The following MAST4 variants were observed in gnomAD, a reference collection of about 807,000 sequenced individuals.
MAST4 encodes microtubule associated serine/threonine kinase family member 4.
Under a neutral mutation model 162.7 loss-of-function variants are expected in MAST4, and 89 were observed. The observed-to-expected ratio is 0.55, with a 90% CI of 0.46 to 0.65. The LOEUF (loss-of-function observed/expected upper bound fraction) is 0.65. MAST4 is among the 30% of genes least tolerant of loss of function. MAST4 has a pLI of 0.00. For missense variants in MAST4, 3,153 were observed against 3,374.0 expected, an observed-to-expected ratio of 0.93 and a Z score of 1.62; for synonymous variants, 1,479 against 1,361.1, an observed-to-expected ratio of 1.09 and a Z score of -1.91.
At chr5:66,918,825 A>G (rs1007686561) in intron 4 of MAST4, among the ~76,000 whole-genome samples, 2 of 152,190 alleles carry the variant, frequency 1.3e-5, no homozygotes, top group Non-Finnish European at 2.9e-5. Context: ...ATATTATTGA[A>G]TGATATATAT....
intron 12 of MAST4, among the ~76,000 whole-genome samples, chr5:67,116,720 G>T (rs1766962631): frequency 6.6e-6 from 1 of 151,962 alleles, no homozygotes; most frequent in Non-Finnish European, 1.5e-5. Flanking sequence ...GGAGGCTGAG[G>T]CAGGAGAATC....
chr5:66,694,174 T>C (rs1337045120), intron 1 of MAST4, among the ~76,000 whole-genome samples: 1 of 152,176 alleles, frequency 6.6e-6, no homozygotes, highest in Admixed American at 6.5e-5. Context: ...CATCTTGAAT[T>C]TGAATTTCTT....
At chr5:66,598,108 C>T (rs1429328820) in intron 1 of MAST4, among the ~76,000 whole-genome samples, 1 of 152,148 alleles carries the variant, frequency 6.6e-6, no homozygotes, top group Admixed American at 6.5e-5. Flanking sequence ...GGCCCCCAGC[C>T]TGGAAGCAAA....
Position 66,596,559 on chromosome 5 carries a change from A to C in MAST4, c.-97A>C. The C allele has an allele frequency of 7.8e-7, 1 of 1,276,636 alleles. No homozygotes were observed. Among genetic ancestry groups the C allele is most frequent in the Non-Finnish European group, 9.9e-7 (1 of 1,010,014 alleles). The allele number at this position is 1,276,636 out of a possible 1,614,324, so 79.1% of individuals were successfully genotyped here. A position where few individuals can be genotyped will look rare whatever the true frequency, so the allele number is the denominator to read the frequency against. ...CCTGCAGCCCGGGAGCGGCAGTGCC[A>C]GTGAGCCTGAGCCCAGGAGCCCGCG... On this transcript the variant is annotated 5_prime_UTR_variant, in exon 1 of 29. Coordinates refer to ENST00000403625, the MANE Select transcript of MAST4 (RefSeq NM_001164664.2).
intron 1 of MAST4, among the ~76,000 whole-genome samples, chr5:66,700,935 C>A (rs1382081092): frequency 7.0e-6 from 1 of 141,846 alleles, no homozygotes; most frequent in East Asian, 2.1e-4. Flanking sequence ...TATTAATATA[C>A]TGAGATCATC....
intron 7 of MAST4, among the ~76,000 whole-genome samples, chr5:67,099,812 GT>G (rs946463116): frequency 8.0e-4 from 116 of 144,742 alleles, no homozygotes; most frequent in South Asian, 1.1e-3. Flanking sequence ...CCACTTGAAG[GT>G]TTTTTTTTTT....
chr5:66,902,573 C>A, intron 4 of MAST4: 1 of 298,270 alleles, frequency 3.4e-6, no homozygotes, highest in Non-Finnish European at 7.0e-6. Flanking sequence ...TTCACATCCC[C>A]ACTAATTTAT....
At chr5:66,639,622 T>A (rs539595161) in intron 1 of MAST4, among the ~76,000 whole-genome samples, 1 of 152,194 alleles carries the variant, frequency 6.6e-6, no homozygotes, top group Non-Finnish European at 1.5e-5. Context: ...AATCATATTG[T>A]TGATAATAGT....
intron 1 of MAST4, among the ~76,000 whole-genome samples, chr5:66,681,705 C>T (rs557110850): frequency 6.6e-6 from 1 of 152,300 alleles, no homozygotes; most frequent in African/African-American, 2.4e-5. Flanking sequence ...GAGGGCATTG[C>T]AGGAGGATCT....
At chr5:66,814,547 T>G (rs978314350) in intron 3 of MAST4, among the ~76,000 whole-genome samples, 1 of 152,228 alleles carries the variant, frequency 6.6e-6, no homozygotes, top group Non-Finnish European at 1.5e-5. Context: ...ATATTTCTTC[T>G]GATCTTCATC....
At chr5:66,639,313 T>TGTGTGTGTG (rs1554037879) in intron 1 of MAST4, among the ~76,000 whole-genome samples, 17 of 151,224 alleles carry the variant, frequency 1.1e-4, no homozygotes, top group South Asian at 4.2e-4. Context: ...TGTGTGTGTG[T>TGTGTGTGTG]TTTAAGAAGA....
intron 3 of MAST4, among the ~76,000 whole-genome samples, chr5:66,897,250 G>A (rs1411526431): frequency 6.6e-6 from 1 of 152,118 alleles, no homozygotes; most frequent in Non-Finnish European, 1.5e-5. Flanking sequence ...GCACAAGCTT[G>A]GGTTTATGAC....
intron 1 of MAST4, among the ~76,000 whole-genome samples, chr5:66,717,682 T>C (rs1048213093): frequency 5.9e-5 from 9 of 152,228 alleles, no homozygotes; most frequent in African/African-American, 2.2e-4. Context: ...GATCTCCATG[T>C]TAGGAAAATA....
intron 4 of MAST4, among the ~76,000 whole-genome samples, chr5:66,929,064 C>G (rs1741861893): frequency 6.6e-6 from 1 of 152,128 alleles, no homozygotes; most frequent in Non-Finnish European, 1.5e-5. Context: ...GATTATGGAG[C>G]TTGAGAAGTC....
intron 1 of MAST4, among the ~76,000 whole-genome samples, chr5:66,656,214 T>G (rs1729325612): frequency 6.6e-6 from 1 of 152,258 alleles, no homozygotes; most frequent in South Asian, 2.1e-4. Context: ...AATAATGGAC[T>G]GACCACTGCA....
At chr5:66,729,273 T>A (rs939138394) in intron 1 of MAST4, among the ~76,000 whole-genome samples, 2 of 152,230 alleles carry the variant, frequency 1.3e-5, no homozygotes, top group Admixed American at 1.3e-4. Context: ...AAGGGATATC[T>A]GTTAAATGAT....
At chr5:66,960,676 C>A (rs776828676) in intron 4 of MAST4, among the ~76,000 whole-genome samples, 1 of 152,172 alleles carries the variant, frequency 6.6e-6, no homozygotes, top group Non-Finnish European at 1.5e-5. Context: ...TGGTTGTTTT[C>A]TTTGGACTTA....
At chr5:66,939,691 C>A (rs1352886487) in intron 4 of MAST4, among the ~76,000 whole-genome samples, 1 of 151,016 alleles carries the variant, frequency 6.6e-6, no homozygotes, top group Non-Finnish European at 1.5e-5. Context: ...TTTTATTTTA[C>A]AACAAATCTG....
At chr5:66,885,963 A>C (rs1211912349) in intron 3 of MAST4, among the ~76,000 whole-genome samples, 1 of 152,118 alleles carries the variant, frequency 6.6e-6, no homozygotes, top group Non-Finnish European at 1.5e-5. Flanking sequence ...TACATGTATT[A>C]TTTCATTTAG....
Sources: gnomAD v4.1 joint callset for allele counts (sites outside exome capture counted in the v4.1 genomes callset) on GRCh38, gnomAD v4.1.1 for gene constraint, MANE v1.5 for transcripts, NCBI Gene and HGNC (gene_info 2026-07-23, HGNC 2026-07-21) for gene names.